Variants in TGFB1 observed in about 807,000 individuals in gnomAD.
TGFB1 encodes the protein transforming growth factor beta 1, also known as transforming growth factor beta-1 proprotein.
Under a neutral mutation model 43.8 loss-of-function variants are expected in TGFB1, and 19 were observed. The ratio of observed to expected loss-of-function variants is 0.43; its 90% CI spans 0.30 to 0.64. The LOEUF (loss-of-function observed/expected upper bound fraction) is 0.64, where lower values mean the gene tolerates loss of function less well. Ranked by LOEUF, TGFB1 falls within the 30% of genes least tolerant of loss-of-function variation. TGFB1 has a pLI of 0.11. For synonymous variants in TGFB1, 221 were observed against 236.3 expected (o/e 0.94, Z 0.60); for missense variants, 445 against 529.8 (o/e 0.84, Z 1.57).
Position 41,330,995 on chromosome 19 carries a change from G to A in TGFB1, c.*57C>T. ...ATACAGCCCCCATGGGCAAGGCAGCGGGGGCGGGGCGGGGTGGGGCCGGGC... is the reference window on the plus strand; with the variant it reads ...ATACAGCCCCCATGGGCAAGGCAGCAGGGGCGGGGCGGGGTGGGGCCGGGC... On this transcript the variant is annotated 3_prime_UTR_variant, in exon 7 of 7. Transcript: ENST00000221930. 3 of 1,431,856 alleles carry A rather than the reference G, an allele frequency of 2.1e-6. No homozygotes were observed. The highest frequency in any genetic ancestry group is 2.6e-5 in the Admixed American group (1 of 38,524). 88.7% of individuals were successfully genotyped at this position (1,431,856 alleles called of 1,614,324 possible). A position where few individuals can be genotyped will look rare whatever the true frequency, so the allele number is the denominator to read the frequency against.
At chr19:41,333,209 A>ATTTTTTTTT (rs1161079448) in intron 5 of TGFB1, among the ~76,000 whole-genome samples, 2 of 86,400 alleles carry the variant, frequency 2.3e-5, no homozygotes, top group Non-Finnish European at 4.2e-5. Context: ...TTTTTTTTCT[A>ATTTTTTTTT]TTTTTTTTTT....
chr19:41,343,361 C>T (rs180935931), intron 3 of TGFB1, among the ~76,000 whole-genome samples: 3 of 151,838 alleles, frequency 2.0e-5, no homozygotes, highest in South Asian at 2.1e-4. Context: ...CTCGAACTCC[C>T]GATCTCAGGT....
Position 41,353,109 on chromosome 19 carries a change from C to T in TGFB1, c.-65G>A, listed in dbSNP as rs1568482059. ...CAGGGCTGGTGTGGTGGGGAGGCCC[C>T]GCCCCTGCAGGGGCTGGGGGTCTCC... On this transcript the variant is annotated 5_prime_UTR_variant, in exon 1 of 7. Transcript: ENST00000221930. The surrounding 1 kb of genome is among the most constrained non-coding windows in gnomAD (Gnocchi z 5.9). The T allele has an allele frequency of 7.0e-7, 1 of 1,438,506 alleles. No homozygotes were observed. Among genetic ancestry groups the T allele is most frequent in the Non-Finnish European group, 9.1e-7 (1 of 1,102,432 alleles). The allele number at this position is 1,438,506 out of a possible 1,614,324, so 89.1% of individuals were successfully genotyped here.
intron 1 of TGFB1, among the ~76,000 whole-genome samples, chr19:41,352,343 A>ACCCCCCCCCCCCCCCC (rs11307639): frequency 1.2e-5 from 1 of 83,500 alleles, no homozygotes; most frequent in African/African-American, 4.9e-5. Context: ...GCACCCCACG[A>ACCCCCCCCCCCCCCCC]CCCCCCCCCC....
Position 41,330,915 on chromosome 19 carries a change from C to A in TGFB1, c.*137G>T, listed in dbSNP as rs201564160. 1.0e-5 allele frequency: 7 copies of A among 698,218 alleles called. No homozygotes were observed. The highest frequency in any genetic ancestry group is 1.3e-5 in the Non-Finnish European group (6 of 450,186). The allele number at this position is 698,218 out of a possible 1,614,324, so 43.3% of individuals were successfully genotyped here. Reference sequence around the variant, plus strand: ...GCCCAATGACACAGAGATCCGCAGTCCTCTCTCCATCTTTAATGGGGCCCC... The same window carrying A: ...GCCCAATGACACAGAGATCCGCAGTACTCTCTCCATCTTTAATGGGGCCCC... On this transcript the variant is annotated 3_prime_UTR_variant, in exon 7 of 7. Transcript: ENST00000221930.
intron 5 of TGFB1, among the ~76,000 whole-genome samples, chr19:41,339,362 G>A (rs1210820254): frequency 6.6e-6 from 1 of 151,974 alleles, no homozygotes; most frequent in Non-Finnish European, 1.5e-5. Context: ...CAAGCGATCT[G>A]CCTGCCTTGG....
Position 41,332,181 on chromosome 19 carries a change from A to G in TGFB1, c.961T>C (p.Phe321Leu), listed in dbSNP as rs769434404. ...ATGTAGGGGCAGGGCCCGAGGCAGA[A>G]GTTGGCATGGTAGCCCTTGGGCTCG... ...IHEPKGYHAN[F>L]CLGPCPYIWS... The change falls in exon 6 of 7, where the codon TTC becomes CTC. Residue 321 changes from phenylalanine to leucine, a missense_variant. Physicochemically the swap from Phe to Leu is conservative, Grantham distance 22 (BLOSUM62 0). This residue lies in a region of TGFB1 where 23 missense variants were observed against 54.1 expected (regional missense o/e 0.42). Transcript: ENST00000221930. 1 of 1,614,036 alleles carries G rather than the reference A, an allele frequency of 6.2e-7. No homozygotes were observed. Among genetic ancestry groups the G allele is most frequent in the Admixed American group, 1.7e-5 (1 of 60,000 alleles).
At chr19:41,337,132 A>T (rs891653291) in intron 5 of TGFB1, among the ~76,000 whole-genome samples, 5 of 151,350 alleles carry the variant, frequency 3.3e-5, no homozygotes, top group African/African-American at 1.2e-4. Flanking sequence ...TAATTTTTGT[A>T]TTTTTAATTA....
intron 3 of TGFB1, among the ~76,000 whole-genome samples, chr19:41,344,465 A>G (rs990790105): frequency 6.6e-6 from 1 of 152,110 alleles, no homozygotes; most frequent in African/African-American, 2.4e-5. Context: ...TCTGTTCCCC[A>G]GCTACCTAGC....
At chr19:41,352,580 TC>T in intron 1 of TGFB1, 109 bp downstream of exon 1, 1 of 1,329,652 alleles carries the variant, frequency 7.5e-7, no homozygotes, top group Non-Finnish European at 1.0e-6. Context: ...CCCCGGGGTG[TC>T]CTCTTCCTCC....
At chr19:41,352,650 G>T in intron 1 of TGFB1, 40 bp downstream of exon 1, 1 of 1,606,456 alleles carries the variant, frequency 6.2e-7, no homozygotes. Context: ...GGCGCCCCCT[G>T]GGGGCCCCCC....
intron 2 of TGFB1, among the ~76,000 whole-genome samples, chr19:41,347,740 A>T (rs2038131208): frequency 6.6e-6 from 1 of 151,168 alleles, no homozygotes; most frequent in African/African-American, 2.4e-5. Context: ...AGGCAGGAGA[A>T]TCACTTGAAC....
chr19:41,344,750 C>T lies in TGFB1; in HGVS notation c.631G>A (p.Gly211Arg), dbSNP rs2038096551. The change falls in exon 3 of 7, where the codon GGA (glycine) becomes AGA (arginine). Residue 211 changes from glycine (G) to arginine (R), a missense_variant. Gly to Arg is a moderately radical substitution (Grantham distance 125). Transcript: ENST00000221930. ...TGVVRQWLSR[G>R]GEIEGFRLSA... Reference sequence around the variant, plus strand: ...GGGACACACAAGTAATCCTCACCTCCACGGCTCAACCACTGCCGCACAACT... The same window carrying T: ...GGGACACACAAGTAATCCTCACCTCTACGGCTCAACCACTGCCGCACAACT... The T allele has an allele frequency of 1.2e-6, 2 of 1,613,714 alleles. No individual in the cohort carries two copies.
rs2038097361 is a variant in TGFB1, at chr19:41,344,798, A to C, written c.583T>G (p.Trp195Gly). Residue 195 changes from tryptophan to glycine, a missense_variant, in exon 3 of 7, where the codon TGG becomes GGG. Physicochemically the swap from Trp to Gly is radical, Grantham distance 184. Coordinates refer to ENST00000221930, the MANE Select transcript of TGFB1 (RefSeq NM_000660.7). ...RLLAPSDSPE[W>G]LSFDVTGVVR... ...ACTCCGGTGACATCAAAAGATAACC[A>C]CTCTGGCGAGTCGCTGGGTGCCAGC... The C allele has an allele frequency of 6.2e-7, 1 of 1,613,276 alleles. No individual in the cohort carries two copies. Among genetic ancestry groups the C allele is most frequent in the Admixed American group, 1.7e-5 (1 of 59,862 alleles).
At chr19:41,350,056 C>G (rs1261603525) in intron 1 of TGFB1, among the ~76,000 whole-genome samples, 1 of 151,918 alleles carries the variant, frequency 6.6e-6, no homozygotes, top group Admixed American at 6.6e-5. Flanking sequence ...CCATGGCTCA[C>G]GGCAGGCTGG....
At position 41,332,224 on chromosome 19, in the gene TGFB1, G is replaced by C. The variant is rs72480429; in HGVS notation, c.918C>G (p.Leu306=). Residue 306 remains leucine, a synonymous_variant, in exon 6 of 7, where the codon CTC becomes CTG. Coordinates refer to ENST00000221930, the MANE Select transcript of TGFB1 (RefSeq NM_000660.7). The stretch of plus-strand genomic sequence containing the variant: ...TGGGCTCGTGGATCCACTTCCAGCC[G>C]AGGTCCTTGCGGAAGTCAATGTACA... ...RQLYIDFRKD[L]GWKWIHEPKG... 1.9e-6 allele frequency: 3 copies of C among 1,614,160 alleles called. No individual in the cohort carries two copies. The highest frequency in any genetic ancestry group is 2.5e-6 in the Non-Finnish European group (3 of 1,180,026).
chr19:41,352,810 C>A lies in TGFB1; in HGVS notation c.235G>T (p.Ala79Ser), dbSNP rs2038226089. Residue 79 changes from alanine (A) to serine (S), a missense_variant, in exon 1 of 7, where the codon GCC becomes TCC. Ala to Ser is a moderately conservative substitution (Grantham distance 99). Transcript: ENST00000221930. ...PPGPLPEAVLALYNSTRDRVA... is the reference protein window; with the variant it reads ...PPGPLPEAVLSLYNSTRDRVA... ...CGGTCGCGGGTGCTGTTGTACAGGG[C>A]GAGCACGGCCTCGGGCAGCGGGCCG... 1 of 1,603,426 alleles carries A rather than the reference C, an allele frequency of 6.2e-7. No homozygotes were observed. The highest frequency in any genetic ancestry group is 8.5e-7 in the Non-Finnish European group (1 of 1,175,008).
chr19:41,343,599 G>A (rs2038083239), intron 3 of TGFB1, among the ~76,000 whole-genome samples: 1 of 152,054 alleles, frequency 6.6e-6, no homozygotes, highest in Non-Finnish European at 1.5e-5. Context: ...ATGCCTCCCT[G>A]TCCCAGCCTT....
rs553080122 is a variant in TGFB1 at position 41,337,966 on chromosome 19, T to C, written c.860+3917A>G. On this transcript the variant is annotated intron_variant, in intron 5 of 6. Transcript: ENST00000221930. ...CAGCACTTTGGGAGGCCGAGGCTGA[T>C]GGATCACCTGAGGTCAGGAGTTCAA... 3.3e-5 allele frequency among the ~76,000 whole-genome samples: 5 copies of C among 152,276 alleles called. No homozygotes were observed. In the South Asian group the frequency reaches 1.0e-3, roughly 32 times the overall value.
Sources: gnomAD v4.1 joint callset for allele counts (sites outside exome capture counted in the v4.1 genomes callset) on GRCh38, gnomAD v4.1.1 for gene constraint, gnomAD v4.1.1 regional missense constraint, Gnocchi (gnomAD v3.1) non-coding constraint, MANE v1.5 for transcripts, NCBI Gene and HGNC (gene_info 2026-07-23, HGNC 2026-07-21) for gene names.